NELL1: variants seen among roughly 807,000 people sequenced by gnomAD.
The protein encoded by NELL1 is protein kinase C-binding protein NELL1.
NELL1 carries 76 observed loss-of-function variants against 107.4 expected under a neutral mutation model. The observed-to-expected ratio is 0.71, with a 90% CI of 0.59 to 0.86. The LOEUF is 0.86. Ranked by LOEUF, NELL1 falls within the 40% of genes least tolerant of loss-of-function variation. NELL1 has a pLI of 0.00. For synonymous variants in NELL1, 353 were observed against 341.2 expected (o/e 1.03, Z -0.38); for missense variants, 1,024 against 1,005.5 (o/e 1.02, Z -0.25).
intron 12 of NELL1, among the ~76,000 whole-genome samples, chr11:21,029,024 A>G (rs1395688300): frequency 6.6e-6 from 1 of 152,104 alleles, no homozygotes; most frequent in Non-Finnish European, 1.5e-5. Context: ...CTCCTTTCCA[A>G]TTCTCTGTAT....
intron 4 of NELL1, among the ~76,000 whole-genome samples, chr11:20,877,011 G>A (rs949972289): frequency 1.4e-4 from 21 of 152,304 alleles, no homozygotes; most frequent in Admixed American, 8.5e-4. Context: ...GCTAAGAGGG[G>A]AAAGGGTCTG....
intron 12 of NELL1, among the ~76,000 whole-genome samples, chr11:21,091,574 A>G (rs1250743623): frequency 6.6e-6 from 1 of 152,158 alleles, no homozygotes; most frequent in African/African-American, 2.4e-5. Context: ...TTTGATTTTG[A>G]TTTTAATATA....
chr11:20,981,722 G>T (rs1386121363), intron 12 of NELL1, among the ~76,000 whole-genome samples: 3 of 150,536 alleles, frequency 2.0e-5, no homozygotes, highest in Admixed American at 6.6e-5. Flanking sequence ...AAGTGTAGAT[G>T]TGTGGTAGAT....
At chr11:21,263,303 G>A (rs948755214) in intron 14 of NELL1, among the ~76,000 whole-genome samples, 2 of 152,012 alleles carry the variant, frequency 1.3e-5, no homozygotes, top group South Asian at 2.1e-4. Flanking sequence ...AACACTAATC[G>A]AAAGCTCTGT....
intron 12 of NELL1, among the ~76,000 whole-genome samples, chr11:21,041,813 G>A (rs1192926414): frequency 1.3e-5 from 2 of 152,212 alleles, no homozygotes; most frequent in African/African-American, 4.8e-5. Flanking sequence ...CTAGGTAACT[G>A]TAAACAAAAC....
intron 15 of NELL1, among the ~76,000 whole-genome samples, chr11:21,512,060 G>A (rs1198938925): frequency 6.6e-6 from 1 of 152,168 alleles, no homozygotes; most frequent in Non-Finnish European, 1.5e-5. Context: ...TGGTCCTCAA[G>A]CCTCAATGGC....
At chr11:20,879,857 G>GA (rs916480115) in intron 4 of NELL1, among the ~76,000 whole-genome samples, 17 of 152,102 alleles carry the variant, frequency 1.1e-4, no homozygotes, top group Non-Finnish European at 2.4e-4. Flanking sequence ...AAAGAAAGCT[G>GA]AAAAAAATGA....
chr11:20,765,161 T>TAA (rs11342033), intron 2 of NELL1, among the ~76,000 whole-genome samples: 234 of 140,328 alleles, frequency 1.7e-3, no homozygotes, highest in African/African-American at 5.9e-3. Flanking sequence ...CTGTCTTTGT[T>TAA]AAAAAAAAAA....
intron 13 of NELL1, among the ~76,000 whole-genome samples, chr11:21,226,732 C>T (rs913173212): frequency 5.3e-5 from 8 of 152,022 alleles, no homozygotes; most frequent in Non-Finnish European, 8.8e-5. Flanking sequence ...GATATCATTG[C>T]CTCCAAAGAG....
chr11:21,433,342 G>A (rs1201980201), intron 15 of NELL1, among the ~76,000 whole-genome samples: 1 of 152,122 alleles, frequency 6.6e-6, no homozygotes, highest in Non-Finnish European at 1.5e-5. Context: ...ATAAACATGG[G>A]GTTGTTGGTA....
At chr11:20,683,737 T>A (rs555451852) in intron 2 of NELL1, among the ~76,000 whole-genome samples, 1 of 152,284 alleles carries the variant, frequency 6.6e-6, no homozygotes, top group East Asian at 1.9e-4. Flanking sequence ...AAATATATCT[T>A]TGCTAAGTAT....
rs1369637428 is a variant in NELL1 at position 21,002,921 on chromosome 11, CTCT to C, written c.1300+42369_1300+42371del. The stretch of plus-strand genomic sequence containing the variant: ...GAATTTATCTTAATTCCCCCAATTC[CTCT>C]TCTTCTTGGGTTTTGCACTGAATCC... On this transcript the variant is annotated intron_variant, in intron 12 of 19. Transcript: ENST00000357134. Among the ~76,000 whole-genome samples the C allele has an allele frequency of 2.0e-5, 3 of 152,174 alleles. No homozygotes were observed. In the East Asian group the frequency reaches 5.8e-4, roughly 29 times the overall value.
chr11:20,842,705 A>G (rs1848641615), intron 3 of NELL1, among the ~76,000 whole-genome samples: 1 of 152,220 alleles, frequency 6.6e-6, no homozygotes, highest in African/African-American at 2.4e-5. Context: ...CTTTTATAAA[A>G]TAGGGATGAT....
At chr11:21,574,324 T>C (rs1002484548) in intron 19 of NELL1, among the ~76,000 whole-genome samples, 5 of 151,512 alleles carry the variant, frequency 3.3e-5, no homozygotes, top group Admixed American at 6.6e-5. Flanking sequence ...TCAGACCTCA[T>C]ATAGAAAAAG....
At chr11:20,727,496 A>C (rs1328163151) in intron 2 of NELL1, among the ~76,000 whole-genome samples, 2 of 152,166 alleles carry the variant, frequency 1.3e-5, no homozygotes, top group South Asian at 4.1e-4. Context: ...TCTGGATATT[A>C]GCCCTTTGTC....
chr11:21,506,177 A>G (rs1241945416), intron 15 of NELL1, among the ~76,000 whole-genome samples: 2 of 152,208 alleles, frequency 1.3e-5, no homozygotes, highest in African/African-American at 4.8e-5. Context: ...ACTATCCTTT[A>G]AAGAATTGTC....
intron 13 of NELL1, among the ~76,000 whole-genome samples, chr11:21,222,201 A>G (rs927420758): frequency 3.3e-5 from 5 of 151,884 alleles, no homozygotes; most frequent in Non-Finnish European, 1.5e-5. Flanking sequence ...TTGTTTTTTG[A>G]GAGAGTCTTG....
At chr11:21,390,295 A>ATTGGCTATAGCTCC (rs1171997066) in intron 15 of NELL1, among the ~76,000 whole-genome samples, 2 of 151,288 alleles carry the variant, frequency 1.3e-5, no homozygotes, top group Non-Finnish European at 3.0e-5. Context: ...GTTCTATAAG[A>ATTGGCTATAGCTCC]TTGGCTATAG....
At chr11:20,689,524 G>C (rs1460787438) in intron 2 of NELL1, among the ~76,000 whole-genome samples, 2 of 145,556 alleles carry the variant, frequency 1.4e-5, no homozygotes, top group East Asian at 4.1e-4. Context: ...CTATGAGTGA[G>C]AACATGCGGT....
Sources: gnomAD v4.1 joint callset for allele counts (sites outside exome capture counted in the v4.1 genomes callset) on GRCh38, gnomAD v4.1.1 for gene constraint, MANE v1.5 for transcripts, NCBI Gene and HGNC (gene_info 2026-07-23, HGNC 2026-07-21) for gene names.